NBAS: variants seen among roughly 807,000 people sequenced by gnomAD.
NBAS encodes NBAS subunit of NRZ tethering complex, also known as NAG/BC035112 fusion.
Under a neutral mutation model 302.5 loss-of-function variants are expected in NBAS, and 219 were observed. That is an observed-to-expected ratio of 0.72 (90% CI 0.65 to 0.81). NBAS has a LOEUF of 0.81. NBAS is among the 30% of genes least tolerant of loss of function. The pLI, the probability that NBAS is intolerant of heterozygous loss-of-function variation, is 0.00. For missense variants in NBAS, 2,932 were observed against 2,841.6 expected, an observed-to-expected ratio of 1.03 and a Z score of -0.72; for synonymous variants, 1,118 against 1,021.6, an observed-to-expected ratio of 1.09 and a Z score of -1.80.
At chr2:15,173,142 G>GT (rs1192394398) in intron 51 of NBAS, among the ~76,000 whole-genome samples, 1 of 152,198 alleles carries the variant, frequency 6.6e-6, no homozygotes, top group Non-Finnish European at 1.5e-5. Flanking sequence ...GTCAGAGATT[G>GT]TTTTTTGTGT....
chr2:15,376,582 A>G (rs1212741627), intron 30 of NBAS, among the ~76,000 whole-genome samples: 1 of 152,136 alleles, frequency 6.6e-6, no homozygotes, highest in Non-Finnish European at 1.5e-5. Flanking sequence ...TCCTTCTGAG[A>G]TAAGATATCA....
At chr2:15,172,635 T>C (rs1488804616) in intron 51 of NBAS, among the ~76,000 whole-genome samples, 1 of 152,242 alleles carries the variant, frequency 6.6e-6, no homozygotes, top group Non-Finnish European at 1.5e-5. Context: ...CTTTGGTATA[T>C]GGTCTGTGGA....
intron 31 of NBAS, among the ~76,000 whole-genome samples, chr2:15,367,324 C>T (rs1674260364): frequency 6.6e-6 from 1 of 151,936 alleles, no homozygotes; most frequent in Non-Finnish European, 1.5e-5. Flanking sequence ...ATTCTAGGAA[C>T]AAATGGTACT....
chr2:15,132,861 C>T, the NBAS span, among the ~76,000 whole-genome samples: 4 of 119,676 alleles, frequency 3.3e-5, no homozygotes, highest in Non-Finnish European at 4.1e-5. Context: ...CATACAAACA[C>T]ACTAAAAAAA....
At chr2:15,107,018 C>T in the NBAS span, among the ~76,000 whole-genome samples, 1 of 152,020 alleles carries the variant, frequency 6.6e-6, no homozygotes, top group African/African-American at 2.4e-5. Flanking sequence ...CGCAATAAAA[C>T]CAAACTACCA....
chr2:15,415,541 C>T lies in NBAS; in HGVS notation c.2937+5G>A, dbSNP rs1191516220. 6.2e-7 allele frequency: 1 copy of T among 1,613,630 alleles called. No individual in the cohort carries two copies. Among genetic ancestry groups the T allele is most frequent in the Non-Finnish European group, 8.5e-7 (1 of 1,179,676 alleles). ...CAGAATTTTAAGAAGTTAGTTTCTA[C>T]TTACATCTGGTTTGGAATGCTGAAA... On this transcript the variant is annotated splice_donor_5th_base_variant and intron_variant, in intron 25 of 51. Coordinates refer to ENST00000281513, the MANE Select transcript of NBAS (RefSeq NM_015909.4).
intron 21 of NBAS, among the ~76,000 whole-genome samples, chr2:15,454,355 A>G (rs1016224596): frequency 3.9e-5 from 6 of 152,186 alleles, no homozygotes; most frequent in African/African-American, 1.4e-4. Context: ...GTCTAAATGC[A>G]ATGTGGTATC....
At chr2:14,990,952 C>T in the NBAS span, among the ~76,000 whole-genome samples, 1 of 152,122 alleles carries the variant, frequency 6.6e-6, no homozygotes, top group Non-Finnish European at 1.5e-5. Context: ...AGGGACTAAA[C>T]CTGCCCCAGG....
intron 48 of NBAS, among the ~76,000 whole-genome samples, chr2:15,191,447 C>A (rs13384447): frequency 6.6e-6 from 1 of 152,202 alleles, no homozygotes; most frequent in South Asian, 2.1e-4. Context: ...CAGTGACCCA[C>A]CAGATCCTTC....
chr2:15,057,734 G>T, the NBAS span, among the ~76,000 whole-genome samples: 1 of 152,170 alleles, frequency 6.6e-6, no homozygotes, highest in East Asian at 1.9e-4. Context: ...ATCTCATTCA[G>T]ATCATTGCAA....
the NBAS span, among the ~76,000 whole-genome samples, chr2:15,093,034 G>A: frequency 9.9e-5 from 15 of 152,254 alleles, no homozygotes; most frequent in South Asian, 1.9e-3. Context: ...TGGCACTAGC[G>A]GTTGTTCAAG....
At chr2:14,979,505 A>G in the NBAS span, among the ~76,000 whole-genome samples, 1 of 152,220 alleles carries the variant, frequency 6.6e-6, no homozygotes, top group Non-Finnish European at 1.5e-5. Flanking sequence ...TGTTAATAGT[A>G]CTTTACAGAT....
chr2:15,019,989 C>T, the NBAS span, among the ~76,000 whole-genome samples: 179 of 152,296 alleles, frequency 1.2e-3, 1 homozygote, highest in South Asian at 4.1e-3. Flanking sequence ...TCCTACATAG[C>T]GTTAACAGTT....
the NBAS span, among the ~76,000 whole-genome samples, chr2:14,832,657 T>C: frequency 6.6e-6 from 1 of 152,114 alleles, no homozygotes; most frequent in Non-Finnish European, 1.5e-5. Flanking sequence ...ACTACTGAAA[T>C]AGGACTGCCT....
chr2:15,558,174 A>G (rs1198008817), intron 2 of NBAS, among the ~76,000 whole-genome samples: 3 of 152,160 alleles, frequency 2.0e-5, no homozygotes, highest in African/African-American at 7.2e-5. Flanking sequence ...TAGGGTTTGC[A>G]CTTCCCTGAT....
intron 44 of NBAS, among the ~76,000 whole-genome samples, chr2:15,272,948 AATAACAGC>A: frequency 6.6e-6 from 1 of 152,356 alleles, no homozygotes; most frequent in Admixed American, 6.5e-5. Context: ...AAGCATGGTA[AATAACAGC>A]TAAAACGCAA....
intron 12 of NBAS, among the ~76,000 whole-genome samples, chr2:15,481,078 T>C (rs185197590): frequency 3.3e-5 from 5 of 152,338 alleles, no homozygotes; most frequent in Admixed American, 2.6e-4. Context: ...CCATAAAATA[T>C]GTGACCTTTT....
chr2:15,220,112 G>A (rs367668644), intron 47 of NBAS, among the ~76,000 whole-genome samples: 8,065 of 143,828 alleles, frequency 0.056, 57 homozygotes, highest in South Asian at 0.16. Context: ...TGGACGGGGC[G>A]GCTGGCCGGG....
At chr2:14,882,158 G>A in the NBAS span, among the ~76,000 whole-genome samples, 1 of 152,130 alleles carries the variant, frequency 6.6e-6, no homozygotes, top group Non-Finnish European at 1.5e-5. Flanking sequence ...CAGTGTATTA[G>A]TCATGATTAA....
Sources: gnomAD v4.1 joint callset for allele counts (sites outside exome capture counted in the v4.1 genomes callset) on GRCh38, gnomAD v4.1.1 for gene constraint, MANE v1.5 for transcripts, NCBI Gene and HGNC (gene_info 2026-07-23, HGNC 2026-07-21) for gene names.